TNR: variants seen among roughly 807,000 people sequenced by gnomAD.
TNR encodes the protein tenascin-R.
In TNR, 45 loss-of-function variants were observed where a neutral mutation model predicts 150.4. That is an observed-to-expected ratio of 0.30 (90% CI 0.24 to 0.38). The LOEUF (loss-of-function observed/expected upper bound fraction) is 0.38, where lower values mean the gene tolerates loss of function less well. TNR is among the 10% of genes least tolerant of loss of function. TNR has a pLI of 1.00. For missense variants in TNR, 1,544 were observed against 1,759.1 expected, an observed-to-expected ratio of 0.88 and a Z score of 2.19; for synonymous variants, 687 against 678.4, an observed-to-expected ratio of 1.01 and a Z score of -0.20.
intron 1 of TNR, among the ~76,000 whole-genome samples, chr1:175,690,425 A>G (rs1210248947): frequency 6.6e-6 from 1 of 152,242 alleles, no homozygotes; most frequent in Non-Finnish European, 1.5e-5. Flanking sequence ...GGTGACCAGG[A>G]AAGTCCTCTT....
chr1:175,510,572 A>G (rs1659127517), intron 2 of TNR, among the ~76,000 whole-genome samples: 1 of 152,222 alleles, frequency 6.6e-6, no homozygotes, highest in Admixed American at 6.5e-5. Flanking sequence ...AGCAAATAAT[A>G]ACCATAGTCA....
In TNR at chr1:175,317,772, C is replaced by A. The variant is rs967774312; in HGVS notation, c.*5585G>T. On this transcript the variant is annotated 3_prime_UTR_variant, in exon 23 of 23. Transcript: ENST00000367674. ...CATTAGCCTGGCTTCATGGCCCAGA[C>A]AATAAGGAGCTGTTTTATGAAGTTA... is the stretch of plus-strand genomic sequence containing the variant. 6.6e-6 allele frequency: 1 copy of A among 152,204 alleles called. No homozygotes were observed. Among genetic ancestry groups the A allele is most frequent in the Non-Finnish European group, 1.5e-5 (1 of 68,058 alleles). The allele number at this position is 152,204 out of a possible 1,614,324, so 9.4% of individuals were successfully genotyped here.
At chr1:175,439,362 A>G (rs1425297806) in intron 2 of TNR, among the ~76,000 whole-genome samples, 1 of 152,076 alleles carries the variant, frequency 6.6e-6, no homozygotes, top group Non-Finnish European at 1.5e-5. Flanking sequence ...TACACCTTAT[A>G]CAAAAATTAA....
chr1:175,414,107 A>T (rs1170616467), intron 2 of TNR, among the ~76,000 whole-genome samples: 1 of 152,138 alleles, frequency 6.6e-6, no homozygotes, highest in Admixed American at 6.5e-5. Context: ...TGATAAGAGT[A>T]AGATCCTATC....
In TNR at chr1:175,737,199, C is replaced by T. The variant is rs548411293; in HGVS notation, c.-165+6027G>A. 3.3e-5 allele frequency among the ~76,000 whole-genome samples: 5 copies of T among 152,258 alleles called. No homozygotes were observed. In the East Asian group the frequency reaches 9.7e-4, roughly 29 times the overall value. On this transcript the variant is annotated intron_variant, in intron 1 of 22. Transcript: ENST00000367674. ...AGCTTGGTTTTATAAAATGTGAGCG[C>T]TTTATAAAAACTTTCTGATTTTCTG...
intron 1 of TNR, among the ~76,000 whole-genome samples, chr1:175,637,259 C>A (rs1487323392): frequency 1.3e-5 from 2 of 152,168 alleles, no homozygotes. Context: ...GATAACAGAG[C>A]AGACTTTGTT....
At position 175,317,310 on chromosome 1, in the gene TNR, A is replaced by G. The variant is rs1648873585; in HGVS notation, c.*6047T>C. Reference sequence around the variant, plus strand: ...CTGTGTGAATGTGAGCAAATTGCCTAAACTTTCTTGCCCTTGGTTTCCTTG... The same window carrying G: ...CTGTGTGAATGTGAGCAAATTGCCTGAACTTTCTTGCCCTTGGTTTCCTTG... On this transcript the variant is annotated 3_prime_UTR_variant, in exon 23 of 23. Coordinates refer to ENST00000367674, the MANE Select transcript of TNR (RefSeq NM_003285.3). 1.3e-5 allele frequency: 2 copies of G among 152,228 alleles called. No homozygotes were observed. Among genetic ancestry groups the G allele is most frequent in the African/African-American group, 4.8e-5 (2 of 41,460 alleles). The allele number at this position is 152,228 out of a possible 1,614,324, so 9.4% of individuals were successfully genotyped here. A position where few individuals can be genotyped will look rare whatever the true frequency, so the allele number is the denominator to read the frequency against.
At chr1:175,507,081 C>A (rs932098266) in intron 2 of TNR, among the ~76,000 whole-genome samples, 1 of 152,152 alleles carries the variant, frequency 6.6e-6, no homozygotes, top group Non-Finnish European at 1.5e-5. Context: ...CATTTGGGTT[C>A]GCTGCTCAGT....
intron 1 of TNR, among the ~76,000 whole-genome samples, chr1:175,550,784 A>G (rs1292167234): frequency 6.6e-6 from 1 of 152,132 alleles, no homozygotes; most frequent in African/African-American, 2.4e-5. Context: ...CAGGAAAAAA[A>G]AAACCTAAGC....
At chr1:175,552,672 T>C (rs1660994129) in intron 1 of TNR, among the ~76,000 whole-genome samples, 1 of 152,200 alleles carries the variant, frequency 6.6e-6, no homozygotes, top group Admixed American at 6.5e-5. Context: ...CTCTGGTACA[T>C]TGTCTATTTG....
intron 1 of TNR, among the ~76,000 whole-genome samples, chr1:175,696,787 G>C (rs1374586296): frequency 1.3e-5 from 2 of 150,350 alleles, no homozygotes; most frequent in Non-Finnish European, 2.9e-5. Context: ...GCTGAGGGAG[G>C]AAAATTGTTT....
intron 2 of TNR, among the ~76,000 whole-genome samples, chr1:175,469,967 G>A (rs778315212): frequency 2.0e-5 from 3 of 152,098 alleles, no homozygotes; most frequent in Non-Finnish European, 4.4e-5. Flanking sequence ...CCCTTTAGAG[G>A]GAAAACATGT....
At chr1:175,712,105 C>T (rs1438197390) in intron 1 of TNR, among the ~76,000 whole-genome samples, 1 of 152,160 alleles carries the variant, frequency 6.6e-6, no homozygotes, top group Admixed American at 6.5e-5. Flanking sequence ...CTATTGATAA[C>T]TGCTATGTGC....
At chr1:175,695,953 G>A (rs1420752719) in intron 1 of TNR, among the ~76,000 whole-genome samples, 1 of 151,684 alleles carries the variant, frequency 6.6e-6, no homozygotes, top group Admixed American at 6.6e-5. Context: ...TGGATGGAAG[G>A]ATGGATGCAT....
chr1:175,439,189 G>A (rs1460550490), intron 2 of TNR, among the ~76,000 whole-genome samples: 1 of 151,496 alleles, frequency 6.6e-6, no homozygotes, highest in East Asian at 1.9e-4. Flanking sequence ...ATAGACCAAT[G>A]GAACAGAACA....
rs754598335 is a variant in TNR, at chr1:175,324,515, G to A, written c.3798C>T (p.Asp1266=). 9.3e-6 allele frequency: 15 copies of A among 1,610,310 alleles called. No homozygotes were observed. In the South Asian group the frequency reaches 1.3e-4, roughly 14 times the overall value. Residue 1266 remains aspartate (D), a synonymous_variant, in exon 22 of 23, where the codon GAC becomes GAT. Coordinates refer to ENST00000367674, the MANE Select transcript of TNR (RefSeq NM_003285.3). ...GGCGTCCTTGATGATAGCTGAGGGA[G>A]TCCCCTGCAAAAAAGATACATTCAT... The part of the protein sequence containing the change: ...RIGSYNGTAG[D]SLSYHQGRPF...
intron 1 of TNR, among the ~76,000 whole-genome samples, chr1:175,585,931 C>A (rs1662545164): frequency 1.3e-5 from 2 of 152,340 alleles, no homozygotes; most frequent in African/African-American, 4.8e-5. Context: ...AGGGCTCCAG[C>A]AGCTAGGATG....
intron 1 of TNR, among the ~76,000 whole-genome samples, chr1:175,535,615 C>T (rs1302224732): frequency 6.6e-6 from 1 of 150,736 alleles, no homozygotes; most frequent in Non-Finnish European, 1.5e-5. Context: ...CACTCGCCAA[C>T]ATGCCCGGCT....
chr1:175,736,007 G>A (rs1319484998), intron 1 of TNR, among the ~76,000 whole-genome samples: 1 of 152,098 alleles, frequency 6.6e-6, no homozygotes, highest in Admixed American at 6.5e-5. Flanking sequence ...GTAAAACAAG[G>A]GCCAACCCAA....
Sources: allele counts gnomAD v4.1 joint callset (sites outside exome capture counted in the v4.1 genomes callset), GRCh38; gene constraint gnomAD v4.1.1; transcripts MANE v1.5; gene names NCBI Gene and HGNC (gene_info 2026-07-23, HGNC 2026-07-21).